Variants in INTS7 observed in about 807,000 individuals in gnomAD.
INTS7 encodes the protein integrator complex subunit 7, also known as chromosome 1 open reading frame 73.
INTS7 carries 46 observed loss-of-function variants against 109.2 expected under a neutral mutation model. That is an observed-to-expected ratio of 0.42 (90% CI 0.33 to 0.54). INTS7 has a LOEUF of 0.54. INTS7 is among the 20% of genes least tolerant of loss of function. INTS7 has a pLI of 0.07. For synonymous variants in INTS7, 412 were observed against 402.9 expected (o/e 1.02, Z -0.27); for missense variants, 929 against 1,132.4 (o/e 0.82, Z 2.58).
At chr1:211,995,806 G>T (rs1665355922) in intron 7 of INTS7, among the ~76,000 whole-genome samples, 1 of 152,170 alleles carries the variant, frequency 6.6e-6, no homozygotes, top group African/African-American at 2.4e-5. Context: ...AAGCACAAGG[G>T]AGTGTGGTCA....
At chr1:212,028,943 A>G (rs1667040798) in intron 1 of INTS7, among the ~76,000 whole-genome samples, 1 of 152,252 alleles carries the variant, frequency 6.6e-6, no homozygotes, top group African/African-American at 2.4e-5. Context: ...TCCAAAGGCT[A>G]TAGTGCTAAC....
intron 17 of INTS7, among the ~76,000 whole-genome samples, chr1:211,950,021 G>A (rs976722976): frequency 1.3e-5 from 2 of 152,166 alleles, no homozygotes; most frequent in South Asian, 4.1e-4. Flanking sequence ...CTTTTGATGT[G>A]AACTACTCTC....
intron 4 of INTS7, among the ~76,000 whole-genome samples, chr1:212,013,924 T>C (rs1371524303): frequency 6.6e-6 from 1 of 152,216 alleles, no homozygotes; most frequent in East Asian, 1.9e-4. Flanking sequence ...TTTCTCAGAA[T>C]GTAACCTCAT....
chr1:212,005,249 A>C (rs1019680913), intron 7 of INTS7, among the ~76,000 whole-genome samples: 1 of 152,212 alleles, frequency 6.6e-6, no homozygotes, highest in African/African-American at 2.4e-5. Context: ...AAACAAAGCT[A>C]AACAGTATTC....
rs1288548759 is a variant in INTS7, at chr1:211,940,455, C to CT, written c.*1368dup. On this transcript the variant is annotated 3_prime_UTR_variant, in exon 20 of 20. Coordinates refer to ENST00000366994, the MANE Select transcript of INTS7 (RefSeq NM_015434.4). ...AGGAAATTCCAGGGAAAGTACCCTG[C>CT]TTTACCTTAGGAGCTGCATCCGGCC... 6.6e-6 allele frequency: 1 copy of CT among 152,164 alleles called. No individual in the cohort carries two copies. The highest frequency in any genetic ancestry group is 1.5e-5 in the Non-Finnish European group (1 of 68,020). The allele number at this position is 152,164 out of a possible 1,614,324, so 9.4% of individuals were successfully genotyped here.
chr1:212,015,610 C>T (rs1338226563), intron 4 of INTS7, among the ~76,000 whole-genome samples: 3 of 150,614 alleles, frequency 2.0e-5, no homozygotes, highest in African/African-American at 2.4e-5. Context: ...ACCACAGACC[C>T]TTGTTCACAT....
chr1:211,960,545 G>A (rs1663574541), intron 16 of INTS7, among the ~76,000 whole-genome samples: 1 of 152,094 alleles, frequency 6.6e-6, no homozygotes, highest in Non-Finnish European at 1.5e-5. Context: ...CCAATCCAAG[G>A]AAGCTAAGAA....
At chr1:211,997,919 C>T (rs1288463291) in intron 7 of INTS7, among the ~76,000 whole-genome samples, 5 of 151,248 alleles carry the variant, frequency 3.3e-5, no homozygotes, top group Admixed American at 6.6e-5. Context: ...GATGTCAATT[C>T]GTCCCAAATT....
chr1:212,020,016 A>T (rs1445717441), intron 3 of INTS7, 106 bp downstream of exon 3: 26 of 791,588 alleles, frequency 3.3e-5, no homozygotes, highest in Non-Finnish European at 4.6e-5. Context: ...AAAAAAACAT[A>T]AACAACTCCT....
Position 211,944,917 on chromosome 1 carries a change from T to G in INTS7, c.2468A>C (p.Asn823Thr). The change falls in exon 19 of 20, where the codon AAT becomes ACT. Residue 823 changes from asparagine (N) to threonine (T), a missense_variant. Physicochemically the swap from Asn to Thr is moderately conservative, Grantham distance 65. Around this residue, in one of 2 missense-constraint regions of INTS7, gnomAD observed 787 missense variants for 901.1 expected, o/e 0.87. Coordinates refer to ENST00000366994, the MANE Select transcript of INTS7 (RefSeq NM_015434.4). The part of the protein sequence containing the change: ...RNPAEPIAVQ[N>T]NQQLALKVEG... ...TACCTTTAGCGCCAGCTGCTGGTTA[T>G]TCTGGACAGCAATGGGCTCTGCAGG... is the stretch of plus-strand genomic sequence containing the variant. 2 of 1,614,230 alleles carry G rather than the reference T, an allele frequency of 1.2e-6. No homozygotes were observed. Among genetic ancestry groups the G allele is most frequent in the Non-Finnish European group, 1.7e-6 (2 of 1,180,022 alleles).
At chr1:211,993,100 T>C (rs902726290) in intron 7 of INTS7, among the ~76,000 whole-genome samples, 1 of 152,348 alleles carries the variant, frequency 6.6e-6, no homozygotes, top group African/African-American at 2.4e-5. Flanking sequence ...AAAAAGGAGT[T>C]TATAATCTTT....
intron 5 of INTS7, among the ~76,000 whole-genome samples, chr1:212,010,449 G>C (rs193146810): frequency 6.6e-6 from 1 of 152,120 alleles, no homozygotes; most frequent in African/African-American, 2.4e-5. Flanking sequence ...GATTCTAAAT[G>C]CAACTGGAAG....
At chr1:212,015,511 T>C (rs61976492) in intron 4 of INTS7, among the ~76,000 whole-genome samples, 5,168 of 151,950 alleles carry the variant, frequency 0.034, 298 homozygotes, top group African/African-American at 0.12. Flanking sequence ...GAAGGCAGCA[T>C]ACTCGTTAAG....
chr1:211,969,691 G>GTTAA (rs1252688449), intron 13 of INTS7, among the ~76,000 whole-genome samples: 2 of 150,498 alleles, frequency 1.3e-5, no homozygotes, highest in African/African-American at 4.9e-5. Context: ...AAGTAGCCGG[G>GTTAA]ACTAAGGGTG....
At chr1:212,020,630 A>G in intron 2 of INTS7, 1 of 449,298 alleles carries the variant, frequency 2.2e-6, no homozygotes, top group Non-Finnish European at 3.0e-6. Context: ...TTGTGTGCAT[A>G]TGAGCACGAG....
chr1:212,015,197 T>A (rs1338112620), intron 4 of INTS7, among the ~76,000 whole-genome samples: 1 of 152,044 alleles, frequency 6.6e-6, no homozygotes, highest in Non-Finnish European at 1.5e-5. Flanking sequence ...CGCCACCCCG[T>A]CTGGGAGGTG....
intron 7 of INTS7, among the ~76,000 whole-genome samples, chr1:211,996,239 C>T (rs993579468): frequency 5.9e-5 from 9 of 151,748 alleles, no homozygotes; most frequent in Admixed American, 3.9e-4. Flanking sequence ...CTGGTGAACC[C>T]GGCGAAACCC....
At chr1:211,949,239 C>T (rs1172970676) in intron 17 of INTS7, among the ~76,000 whole-genome samples, 2 of 152,178 alleles carry the variant, frequency 1.3e-5, no homozygotes, top group Non-Finnish European at 2.9e-5. Context: ...TTTTCATAGG[C>T]AATTCTCCCC....
chr1:212,009,197 T>G (rs1441279970), intron 5 of INTS7, among the ~76,000 whole-genome samples: 2 of 152,182 alleles, frequency 1.3e-5, no homozygotes, highest in Non-Finnish European at 1.5e-5. Flanking sequence ...CCACCCACAC[T>G]CCTATGTTTT....
Sources: allele counts gnomAD v4.1 joint callset (sites outside exome capture counted in the v4.1 genomes callset), GRCh38; gene constraint gnomAD v4.1.1; regional missense constraint gnomAD v4.1.1; transcripts MANE v1.5; gene names NCBI Gene and HGNC (gene_info 2026-07-23, HGNC 2026-07-21).